FHIT: variants seen among roughly 807,000 people sequenced by gnomAD.
FHIT encodes the protein bis(5'-adenosyl)-triphosphatase.
Under a neutral mutation model 17.9 loss-of-function variants are expected in FHIT, and 19 were observed. The ratio of observed to expected loss-of-function variants is 1.06; its 90% confidence interval spans 0.74 to 1.56. The LOEUF (loss-of-function observed/expected upper bound fraction) is 1.56. Among genes scored for constraint, FHIT ranks in the 40% most tolerant of loss-of-function variants. The pLI is 0.00. For synonymous variants in FHIT, 81 were observed against 69.7 expected (o/e 1.16, Z -0.81); for missense variants, 248 against 189.2 (o/e 1.31, Z -1.82).
At chr3:60,680,228 C>T (rs1553696477) in intron 4 of FHIT, among the ~76,000 whole-genome samples, 2 of 152,000 alleles carry the variant, frequency 1.3e-5, no homozygotes, top group African/African-American at 4.8e-5. Flanking sequence ...TTTATTTTTC[C>T]CTTTAATTTT....
chr3:60,916,739 C>T (rs984299632), intron 3 of FHIT, among the ~76,000 whole-genome samples: 16 of 152,198 alleles, frequency 1.1e-4, no homozygotes, highest in Admixed American at 9.2e-4. Flanking sequence ...CCAGCATTCT[C>T]GCCAAGTGTC....
chr3:60,588,624 A>C (rs903180603), intron 4 of FHIT, among the ~76,000 whole-genome samples: 1 of 151,982 alleles, frequency 6.6e-6, no homozygotes, highest in Non-Finnish European at 1.5e-5. Flanking sequence ...GCATTTGCAC[A>C]CACTCCTCTC....
chr3:61,011,500 T>C (rs73836083), intron 3 of FHIT, among the ~76,000 whole-genome samples: 5,102 of 152,156 alleles, frequency 0.034, 212 homozygotes, highest in African/African-American at 0.081. Flanking sequence ...ACACACTAAA[T>C]GGCCCTAACT....
At chr3:60,569,747 A>ACATATATATT (rs2037297742) in intron 4 of FHIT, among the ~76,000 whole-genome samples, 1 of 61,214 alleles carries the variant, frequency 1.6e-5, no homozygotes, top group African/African-American at 6.1e-5. Flanking sequence ...ATATATATAT[A>ACATATATATT]TATATATATT....
intron 8 of FHIT, among the ~76,000 whole-genome samples, chr3:59,791,584 T>C (rs1699563523): frequency 6.6e-6 from 1 of 152,226 alleles, no homozygotes; most frequent in Non-Finnish European, 1.5e-5. Flanking sequence ...GTTGGGTTTC[T>C]ATAACTTGCA....
chr3:60,283,977 C>A lies in FHIT; in HGVS notation c.103+252883G>T, dbSNP rs561082205. Among the ~76,000 whole-genome samples the A allele has an allele frequency of 7.2e-4, 109 of 152,084 alleles. 1 individual carries two copies. Among genetic ancestry groups the A allele is most frequent in the African/African-American group, 2.5e-3 (103 of 41,520 alleles). On this transcript the variant is annotated intron_variant, in intron 5 of 9. Transcript: ENST00000492590. ...AACATTAATGGCAGGGGAATGCCAT[C>A]CATATATTATAAATAGCCATTAAGT...
At chr3:59,792,873 G>A (rs943534616) in intron 8 of FHIT, among the ~76,000 whole-genome samples, 1 of 82,186 alleles carries the variant, frequency 1.2e-5, no homozygotes, top group Non-Finnish European at 2.2e-5. Context: ...CTTATTTTTT[G>A]GGGGGGGGGG....
At chr3:59,837,106 C>T (rs1701365122) in intron 8 of FHIT, among the ~76,000 whole-genome samples, 1 of 152,236 alleles carries the variant, frequency 6.6e-6, no homozygotes, top group Non-Finnish European at 1.5e-5. Flanking sequence ...GTACAGGCTC[C>T]ATCTGGCAAT....
chr3:60,129,963 T>C (rs994157729), intron 5 of FHIT, among the ~76,000 whole-genome samples: 2 of 152,198 alleles, frequency 1.3e-5, no homozygotes, highest in Non-Finnish European at 2.9e-5. Context: ...TTTACATTTC[T>C]CTTTAGGATT....
At chr3:60,843,437 C>G (rs1702808011) in intron 3 of FHIT, among the ~76,000 whole-genome samples, 1 of 152,158 alleles carries the variant, frequency 6.6e-6, no homozygotes, top group Admixed American at 6.5e-5. Context: ...ATAAATGCCA[C>G]CTAGAGACAA....
Position 60,707,186 on chromosome 3 carries a change from A to G in FHIT, c.-18+114733T>C, listed in dbSNP as rs2041395130. The stretch of plus-strand genomic sequence containing the variant: ...TCCCTTTAGTAGCTCCAAAAAGCCC[A>G]CAGGCACTCTGCAAACCTTTTGCAT... On this transcript the variant is annotated intron_variant, in intron 4 of 9. Coordinates refer to ENST00000492590, the MANE Select transcript of FHIT (RefSeq NM_002012.4). Among the ~76,000 whole-genome samples, 3 of 152,348 alleles carry G rather than the reference A, an allele frequency of 2.0e-5. No individual in the cohort carries two copies. The South Asian group carries it at 6.2e-4, about 32-fold the overall frequency.
intron 5 of FHIT, among the ~76,000 whole-genome samples, chr3:60,252,794 T>C (rs1175472773): frequency 6.6e-6 from 1 of 151,356 alleles, no homozygotes; most frequent in Non-Finnish European, 1.5e-5. Context: ...ATCGAGACCA[T>C]CCTGGCTAAC....
chr3:59,759,411 T>C (rs563871054), intron 8 of FHIT, among the ~76,000 whole-genome samples: 5 of 152,278 alleles, frequency 3.3e-5, no homozygotes, highest in Admixed American at 3.3e-4. Context: ...ATTTGCCCCA[T>C]AGGCTAGTTA....
chr3:61,113,326 C>T (rs1296804824), intron 2 of FHIT, among the ~76,000 whole-genome samples: 1 of 151,984 alleles, frequency 6.6e-6, no homozygotes, highest in Non-Finnish European at 1.5e-5. Flanking sequence ...AACAATTCTT[C>T]CAAGCAACTA....
chr3:60,878,953 T>C (rs1479351752), intron 3 of FHIT, among the ~76,000 whole-genome samples: 3 of 152,206 alleles, frequency 2.0e-5, no homozygotes, highest in Non-Finnish European at 1.5e-5. Flanking sequence ...TAAACATACA[T>C]GTGCATGTGT....
chr3:60,321,163 A>G (rs2106804903), intron 5 of FHIT, among the ~76,000 whole-genome samples: 1 of 152,316 alleles, frequency 6.6e-6, no homozygotes, highest in Middle Eastern at 3.4e-3. Context: ...CCTGCGAAGA[A>G]TGGACAGGCA....
intron 5 of FHIT, among the ~76,000 whole-genome samples, chr3:60,119,907 A>G (rs915620379): frequency 6.6e-6 from 1 of 152,182 alleles, no homozygotes; most frequent in Non-Finnish European, 1.5e-5. Flanking sequence ...TTTCAGAATC[A>G]AGCCCAAATA....
At chr3:59,807,581 G>A (rs1700252329) in intron 8 of FHIT, among the ~76,000 whole-genome samples, 1 of 152,164 alleles carries the variant, frequency 6.6e-6, no homozygotes. Context: ...CCAGGCCAAA[G>A]CAGGTGATTA....
chr3:60,258,100 A>ACACACACACACACC (rs770378733), intron 5 of FHIT, among the ~76,000 whole-genome samples: 77 of 145,178 alleles, frequency 5.3e-4, no homozygotes, highest in Middle Eastern at 3.6e-3. Context: ...ACACACACAC[A>ACACACACACACACC]CCTCTGCAGA....
Sources: gnomAD v4.1 joint callset for allele counts (sites outside exome capture counted in the v4.1 genomes callset) on GRCh38, gnomAD v4.1.1 for gene constraint, MANE v1.5 for transcripts, NCBI Gene and HGNC (gene_info 2026-07-23, HGNC 2026-07-21) for gene names.